The following BRAF variants were observed in gnomAD, a reference collection of about 807,000 sequenced individuals.
The protein encoded by BRAF is serine/threonine-protein kinase B-raf.
BRAF carries 16 observed loss-of-function variants against 104.6 expected under a neutral mutation model. The ratio of observed to expected loss-of-function variants is 0.15; its 90% CI spans 0.10 to 0.23. The LOEUF is 0.23. Among genes scored for constraint, BRAF ranks in the 10% least tolerant of loss-of-function variants. The probability of loss-of-function intolerance (pLI) is 1.00; values close to 1 mark genes in which losing one functional copy is unlikely to be tolerated. For synonymous variants in BRAF, 310 were observed against 341.6 expected (o/e 0.91, Z 1.02); for missense variants, 541 against 937.3 (o/e 0.58, Z 5.52).
intron 1 of BRAF, among the ~76,000 whole-genome samples, chr7:140,890,212 TA>T (rs1467890498): frequency 2.0e-5 from 3 of 152,150 alleles, no homozygotes; most frequent in Non-Finnish European, 2.9e-5. Context: ...ACAAAGTAAA[TA>T]ATAAACTGAA....
chr7:140,791,592 A>AATT (rs1343741556), intron 8 of BRAF, among the ~76,000 whole-genome samples: 1 of 147,900 alleles, frequency 6.8e-6, no homozygotes, highest in Non-Finnish European at 1.5e-5. Flanking sequence ...TAAATATGCT[A>AATT]ATTACTCCTA....
chr7:140,763,696 G>C (rs929088460), intron 14 of BRAF, among the ~76,000 whole-genome samples: 1 of 152,166 alleles, frequency 6.6e-6, no homozygotes, highest in South Asian at 2.1e-4. Context: ...AGAAAATCTA[G>C]AAGAAATGGA....
Position 140,734,786 on chromosome 7 carries a change from G to GAA in BRAF, c.2248-18_2248-17dup, listed in dbSNP as rs370332827. 283 of 822,774 alleles carry GAA rather than the reference G, an allele frequency of 3.4e-4. No homozygotes were observed. The highest frequency in any genetic ancestry group is 6.7e-4 in the Admixed American group (10 of 15,024). The allele number at this position is 822,774 out of a possible 1,614,324, so 51.0% of individuals were successfully genotyped here. A position where few individuals can be genotyped will look rare whatever the true frequency, so the allele number is the denominator to read the frequency against. The stretch of plus-strand genomic sequence containing the variant: ...AGGCGAGAATCTACAAAAAAAAAAA[G>GAA]AAAAAAAAAAGAAAAAAAAAGAAAA... On this transcript the variant is annotated splice_polypyrimidine_tract_variant and intron_variant, in intron 18 of 19. Transcript: ENST00000644969.
downstream of BRAF, among the ~76,000 whole-genome samples, chr7:140,714,578 C>G (rs1585872961): frequency 1.3e-5 from 2 of 152,284 alleles, no homozygotes; most frequent in African/African-American, 4.8e-5. Flanking sequence ...CCAAGCTGGT[C>G]TTGAAGTCGA....
chr7:140,759,932 T>C (rs1313457301), intron 14 of BRAF, among the ~76,000 whole-genome samples: 1 of 152,220 alleles, frequency 6.6e-6, no homozygotes, highest in East Asian at 1.9e-4. Context: ...GTACAGATGC[T>C]ACTCAGACCA....
At chr7:140,802,292 C>CT (rs144953895) in intron 5 of BRAF, among the ~76,000 whole-genome samples, 1,837 of 103,246 alleles carry the variant, frequency 0.018, 31 homozygotes, top group Non-Finnish European at 0.019. Context: ...ATGTTTGTGT[C>CT]TTTTTTTTTT....
chr7:140,809,034 G>C, intron 3 of BRAF, 39 bp from the exon 4 acceptor site: 1 of 1,510,290 alleles, frequency 6.6e-7, no homozygotes, highest in Non-Finnish European at 9.2e-7. Flanking sequence ...GGTAAAGGGA[G>C]CAAATTACAT....
intron 14 of BRAF, among the ~76,000 whole-genome samples, chr7:140,768,996 A>G (rs1211413115): frequency 6.6e-6 from 1 of 152,170 alleles, no homozygotes; most frequent in African/African-American, 2.4e-5. Context: ...ACTATGAGAA[A>G]TAAGTTTCTT....
chr7:140,890,645 T>C (rs1350130325), intron 1 of BRAF, among the ~76,000 whole-genome samples: 1 of 152,168 alleles, frequency 6.6e-6, no homozygotes, highest in East Asian at 1.9e-4. Context: ...AAAAATCACC[T>C]TGGAAGCTTT....
intron 14 of BRAF, among the ~76,000 whole-genome samples, chr7:140,760,230 T>G (rs575936282): frequency 2.0e-5 from 3 of 152,024 alleles, no homozygotes; most frequent in African/African-American, 4.8e-5. Flanking sequence ...CTGGCCAACA[T>G]AGTGAAACCC....
At chr7:140,829,359 G>C (rs1312167583) in intron 3 of BRAF, among the ~76,000 whole-genome samples, 1 of 87,262 alleles carries the variant, frequency 1.1e-5, no homozygotes, top group Non-Finnish European at 2.3e-5. Flanking sequence ...TTTTTTTTTT[G>C]GTATTTAATC....
intron 1 of BRAF, among the ~76,000 whole-genome samples, chr7:140,861,206 C>T (rs1810380608): frequency 6.6e-6 from 1 of 152,080 alleles, no homozygotes; most frequent in South Asian, 2.1e-4. Context: ...TCTGAGAGAA[C>T]AAAGAAAAGG....
chr7:140,886,076 T>C (rs565555201), intron 1 of BRAF, among the ~76,000 whole-genome samples: 1 of 152,342 alleles, frequency 6.6e-6, no homozygotes, highest in South Asian at 2.1e-4. Flanking sequence ...GAAACACCCA[T>C]TGTTTCAGTT....
At chr7:140,719,256 T>C (rs1441687734), downstream of BRAF, 1 of 614,196 alleles carries the variant, frequency 1.6e-6, no homozygotes, top group Non-Finnish European at 2.1e-6. Context: ...CTCTCCATTG[T>C]CTAGAAAAAC....
At chr7:140,763,364 G>A (rs1253172576) in intron 14 of BRAF, among the ~76,000 whole-genome samples, 3 of 151,006 alleles carry the variant, frequency 2.0e-5, no homozygotes, top group Non-Finnish European at 4.4e-5. Flanking sequence ...TCCCGGACGG[G>A]GCAGCTGGCT....
intron 10 of BRAF, among the ~76,000 whole-genome samples, chr7:140,784,669 G>A (rs1801181676): frequency 1.3e-5 from 2 of 151,692 alleles, no homozygotes; most frequent in South Asian, 2.1e-4. Context: ...TTTTGAGATG[G>A]AGTCTTGCTC....
At chr7:140,910,431 T>G (rs73502762) in intron 1 of BRAF, among the ~76,000 whole-genome samples, 165 of 152,340 alleles carry the variant, frequency 1.1e-3, no homozygotes, top group African/African-American at 3.3e-3. Context: ...TATGCATGCT[T>G]TGTCTCTTCA....
At chr7:140,876,421 G>T (rs550115983) in intron 1 of BRAF, among the ~76,000 whole-genome samples, 1 of 152,232 alleles carries the variant, frequency 6.6e-6, no homozygotes, top group Admixed American at 6.5e-5. Context: ...GAAAACAGAA[G>T]CAGCTAACAG....
intron 1 of BRAF, among the ~76,000 whole-genome samples, chr7:140,908,159 C>G (rs1263897469): frequency 6.6e-6 from 1 of 152,108 alleles, no homozygotes; most frequent in African/African-American, 2.4e-5. Context: ...TTTTATAGAT[C>G]TGTTTCTGCT....
Sources: allele counts gnomAD v4.1 joint callset (sites outside exome capture counted in the v4.1 genomes callset), GRCh38; gene constraint gnomAD v4.1.1; transcripts MANE v1.5; gene names NCBI Gene and HGNC (gene_info 2026-07-23, HGNC 2026-07-21).